Variants in EDA2R observed in about 807,000 individuals in gnomAD.
EDA2R encodes the protein tumor necrosis factor receptor superfamily member 27.
EDA2R carries 26 observed loss-of-function variants against 20.1 expected under a neutral mutation model. The ratio of observed to expected loss-of-function variants is 1.30; its 90% CI spans 0.95 to 1.80. The LOEUF is 1.80. EDA2R is among the 40% of genes most tolerant of loss of function. EDA2R has a pLI of 0.00. For synonymous variants in EDA2R, 114 were observed against 88.7 expected (o/e 1.29, Z -1.60); for missense variants, 277 against 228.7 (o/e 1.21, Z -1.36).
chrX:66,622,660 CT>C lies in EDA2R; in HGVS notation c.-10-6631del, dbSNP rs747415872. Among the ~76,000 whole-genome samples the C allele has an allele frequency of 7.2e-5, 8 of 111,726 alleles. No individual in the cohort carries two copies. The East Asian group carries it at 2.0e-3, about 28-fold the overall frequency. On this transcript the variant is annotated intron_variant, in intron 1 of 6. Coordinates refer to ENST00000374719, the MANE Select transcript of EDA2R (RefSeq NM_021783.5). ...AATCAAAGAAGTTGCTCAACGTAGC[CT>C]TGAGAACACTGCTTTCTTGAAAATC...
intron 1 of EDA2R, among the ~76,000 whole-genome samples, chrX:66,629,045 G>A (rs1933438430): frequency 9.0e-6 from 1 of 111,246 alleles, no homozygotes; most frequent in South Asian, 3.8e-4. Context: ...CATACACAAG[G>A]CAATAAATGT....
intron 2 of EDA2R, 98 bp downstream of exon 2, chrX:66,615,836 C>A (rs1931581505): frequency 8.0e-6 from 5 of 624,451 alleles, no homozygotes; most frequent in South Asian, 2.7e-5. Flanking sequence ...CTGGATCAGT[C>A]ATAAGTAGGG....
chrX:66,622,991 A>T (rs1932793189), intron 1 of EDA2R, among the ~76,000 whole-genome samples: 2 of 112,111 alleles, frequency 1.8e-5, no homozygotes, highest in African/African-American at 3.2e-5. Flanking sequence ...CTCCATTCAT[A>T]CCACGAGGGA....
intron 6 of EDA2R, among the ~76,000 whole-genome samples, chrX:66,598,335 G>T (rs1054755023): frequency 8.9e-6 from 1 of 112,017 alleles, no homozygotes; most frequent in Non-Finnish European, 1.9e-5. Context: ...GTATTCTCCA[G>T]AGAGGTGGTG....
At chrX:66,606,361 C>T (rs975692835) in intron 2 of EDA2R, among the ~76,000 whole-genome samples, 2 of 111,854 alleles carry the variant, frequency 1.8e-5, no homozygotes, top group African/African-American at 3.3e-5. Flanking sequence ...ATATTGTTTG[C>T]CATTCCCAGG....
At chrX:66,615,166 G>A (rs1931453850) in intron 2 of EDA2R, among the ~76,000 whole-genome samples, 1 of 111,826 alleles carries the variant, frequency 8.9e-6, no homozygotes, top group Admixed American at 9.5e-5. Flanking sequence ...GTCCATGAAG[G>A]CAAATATTTT....
chrX:66,598,083 G>T lies in EDA2R; in HGVS notation c.*21C>A. On this transcript the variant is annotated 3_prime_UTR_variant, in exon 7 of 7. Transcript: ENST00000374719. ...GAACAACTGGGCAAGGCTGCCAGGGGCCCAAGAGACCTAAGGAGAGAGCAA... is the reference window on the plus strand; with the variant it reads ...GAACAACTGGGCAAGGCTGCCAGGGTCCCAAGAGACCTAAGGAGAGAGCAA... 3.1e-6 allele frequency: 3 copies of T among 956,827 alleles called. No individual in the cohort carries two copies. The highest frequency in any genetic ancestry group is 4.0e-6 in the Non-Finnish European group (3 of 744,787). The allele number at this position is 956,827 out of a possible 1,213,427, so 78.9% of individuals were successfully genotyped here. A position where few individuals can be genotyped will look rare whatever the true frequency, so the allele number is the denominator to read the frequency against.
At chrX:66,610,520 C>T (rs1409277104) in intron 2 of EDA2R, among the ~76,000 whole-genome samples, 1 of 111,808 alleles carries the variant, frequency 8.9e-6, no homozygotes. Flanking sequence ...CAAAAGCAAG[C>T]TAGCATTTAT....
At chrX:66,636,572 C>T (rs1934342476) in intron 1 of EDA2R, among the ~76,000 whole-genome samples, 1 of 109,614 alleles carries the variant, frequency 9.1e-6, no homozygotes, top group African/African-American at 3.3e-5. Flanking sequence ...TTTAACAGTC[C>T]AAGGCTTTCC....
At chrX:66,605,479 C>T (rs942883237) in intron 2 of EDA2R, among the ~76,000 whole-genome samples, 1 of 112,506 alleles carries the variant, frequency 8.9e-6, no homozygotes, top group Non-Finnish European at 1.9e-5. Flanking sequence ...GGCTATGCTG[C>T]AGTATGGCAA....
rs1452202306 is a variant in EDA2R, at chrX:66,600,194, C to G, written c.518-334G>C. The G allele has an allele frequency of 5.0e-5, 30 of 601,174 alleles. 2 individuals carry two copies. The South Asian group carries it at 9.4e-4, about 19-fold the overall frequency. 49.5% of individuals were successfully genotyped at this position (601,174 alleles called of 1,213,427 possible). The stretch of plus-strand genomic sequence containing the variant: ...TCTTATGTCTATGTACATTAAGTTA[C>G]ATGGCAAACTAGACTCTGCAGATGG... On this transcript the variant is annotated intron_variant, in intron 5 of 6. Transcript: ENST00000374719.
intron 2 of EDA2R, among the ~76,000 whole-genome samples, chrX:66,607,095 G>C (rs1929818819): frequency 8.9e-6 from 1 of 111,925 alleles, no homozygotes; most frequent in Non-Finnish European, 1.9e-5. Flanking sequence ...ATTTAGAAAG[G>C]TGTGTGCATA....
intron 5 of EDA2R, among the ~76,000 whole-genome samples, chrX:66,601,998 A>T (rs781214694): frequency 4.5e-5 from 5 of 111,904 alleles, no homozygotes; most frequent in Non-Finnish European, 9.4e-5. Flanking sequence ...AGACCTCTTG[A>T]CATCAGTATT....
At position 66,602,751 on chromosome X, in the gene EDA2R, G is replaced by A; in HGVS notation, c.399C>T (p.Pro133=). 1.4e-5 allele frequency: 17 copies of A among 1,196,598 alleles called. No individual in the cohort carries two copies. The highest frequency in any genetic ancestry group is 1.9e-5 in the Non-Finnish European group (17 of 887,710). Residue 133 remains proline, a synonymous_variant, in exon 5 of 7, where the codon CCC becomes CCT. Transcript: ENST00000374719. ...GTGCAACAAGTGTGGCCTCCTGAGG[G>A]GGCACTGTGGGTGTATCTGCCTCCA... ...SLVEADTPTV[P]PQEATLVALV...
chrX:66,627,223 A>T (rs1156852702), intron 1 of EDA2R, among the ~76,000 whole-genome samples: 1 of 112,207 alleles, frequency 8.9e-6, no homozygotes, highest in East Asian at 2.8e-4. Context: ...AAAATAACAA[A>T]AAAGCAAGAT....
intron 2 of EDA2R, among the ~76,000 whole-genome samples, chrX:66,610,471 C>T (rs1930547076): frequency 9.0e-6 from 1 of 111,558 alleles, no homozygotes; most frequent in African/African-American, 3.3e-5. Flanking sequence ...AGATATGTGC[C>T]TGACTCCTCA....
chrX:66,600,566 A>G (rs1401053927), intron 5 of EDA2R, among the ~76,000 whole-genome samples: 1 of 112,030 alleles, frequency 8.9e-6, no homozygotes, highest in East Asian at 2.8e-4. Context: ...CAGCCCTGCC[A>G]ATATCTTAAT....
intron 2 of EDA2R, among the ~76,000 whole-genome samples, chrX:66,611,573 TAGAGA>T (rs1176892973): frequency 9.0e-6 from 1 of 111,222 alleles, no homozygotes; most frequent in East Asian, 2.8e-4. Context: ...GGCTTAGTAG[TAGAGA>T]AGAGACAGAT....
intron 2 of EDA2R, among the ~76,000 whole-genome samples, chrX:66,612,532 T>C (rs1289295087): frequency 1.8e-5 from 2 of 110,515 alleles, no homozygotes; most frequent in African/African-American, 3.3e-5. Context: ...TCTAAAAAAA[T>C]GATACAAAGA....
Sources: gnomAD v4.1 joint callset for allele counts (sites outside exome capture counted in the v4.1 genomes callset) on GRCh38, gnomAD v4.1.1 for gene constraint, MANE v1.5 for transcripts, NCBI Gene and HGNC (gene_info 2026-07-23, HGNC 2026-07-21) for gene names.